CACNG5: variants seen among roughly 807,000 people sequenced by gnomAD.
The protein encoded by CACNG5 is voltage-dependent calcium channel gamma-5 subunit.
CACNG5 carries 18 observed loss-of-function variants against 24.8 expected under a neutral mutation model. That is an observed-to-expected ratio of 0.73 (90% CI 0.50 to 1.08). CACNG5 has a LOEUF of 1.08. Ranked by LOEUF, CACNG5 falls within the 50% of genes least tolerant of loss-of-function variation. CACNG5 has a pLI of 0.00. For missense variants in CACNG5, 349 were observed against 367.9 expected (o/e 0.95, Z 0.42); for synonymous variants, 157 against 149.1 (o/e 1.05, Z -0.39).
In CACNG5 at chr17:66,880,631, A is replaced by G. The variant is rs1441368954; in HGVS notation, c.358A>G (p.Ile120Val). 11 of 1,614,214 alleles carry G rather than the reference A, an allele frequency of 6.8e-6. No individual in the cohort carries two copies. The highest frequency in any genetic ancestry group is 6.7e-5 in the Admixed American group (4 of 60,028). The change falls in exon 4 of 6, where the codon ATC becomes GTC. Residue 120 changes from isoleucine to valine, a missense_variant. Transcript: ENST00000533854. The part of the protein sequence containing the change: ...FMFIGFILNN[I>V]GHIRPHRTIL... ...GTTCATTGGGTTTATCCTGAACAAC[A>G]TCGGACACATCCGTCCCCACCGGAC...
At chr17:66,846,267 A>G (rs1189864190) in intron 1 of CACNG5, among the ~76,000 whole-genome samples, 2 of 152,204 alleles carry the variant, frequency 1.3e-5, no homozygotes, top group Admixed American at 1.3e-4. Flanking sequence ...AAAATCTACC[A>G]TGTTAACCAT....
chr17:66,866,243 G>A (rs1475118438), intron 1 of CACNG5, among the ~76,000 whole-genome samples: 2 of 152,006 alleles, frequency 1.3e-5, no homozygotes, highest in African/African-American at 2.4e-5. Context: ...AATAAAACTA[G>A]GCCCCACTAT....
In CACNG5 at chr17:66,862,892, C is replaced by CTCTCTGTGTGTGTGTGTG. The variant is rs567913804; in HGVS notation, c.-103-14337_-103-14336insCTCTGTGTGTGTGTGTGT. On this transcript the variant is annotated intron_variant, in intron 1 of 5. Coordinates refer to ENST00000533854, the MANE Select transcript of CACNG5 (RefSeq NM_145811.3). Reference sequence around the variant, plus strand: ...ACAACCTTGTCTGCCAGCATATTCTCTGTGTGTGTGTGTGTGTGTGTGTGT... The same window carrying CTCTCTGTGTGTGTGTGTG: ...ACAACCTTGTCTGCCAGCATATTCTCTCTCTGTGTGTGTGTGTGTGTGTGTGTGTGTGTGTGTGTGTGT... 2.2e-3 allele frequency among the ~76,000 whole-genome samples: 307 copies of CTCTCTGTGTGTGTGTGTG among 142,254 alleles called. 6 individuals carry two copies. Among genetic ancestry groups the CTCTCTGTGTGTGTGTGTG allele is most frequent in the African/African-American group, 6.8e-3 (256 of 37,678 alleles). The allele number at this position is 142,254 out of a possible 152,430, so 93.3% of individuals were successfully genotyped here. A position where few individuals can be genotyped will look rare whatever the true frequency, so the allele number is the denominator to read the frequency against.
chr17:66,869,075 T>G (rs1056399327), intron 1 of CACNG5, among the ~76,000 whole-genome samples: 1 of 152,110 alleles, frequency 6.6e-6, no homozygotes, highest in African/African-American at 2.4e-5. Context: ...TTGTGCTTCT[T>G]TTTTTCTTTC....
At chr17:66,851,575 A>G (rs1487690742) in intron 1 of CACNG5, among the ~76,000 whole-genome samples, 1 of 152,272 alleles carries the variant, frequency 6.6e-6, no homozygotes, top group Non-Finnish European at 1.5e-5. Context: ...AGTAGAAACC[A>G]TATTAAAATA....
chr17:66,861,170 AAAG>A (rs1976852279), intron 1 of CACNG5, among the ~76,000 whole-genome samples: 1 of 152,242 alleles, frequency 6.6e-6, no homozygotes. Flanking sequence ...ATAACAGCAC[AAAG>A]GAGTTGGGAG....
At position 66,893,598 on chromosome 17, in the gene CACNG5, G is replaced by A. The variant is rs73994687; in HGVS notation, c.*8358G>A. On this transcript the variant is annotated 3_prime_UTR_variant, in exon 6 of 6. Transcript: ENST00000533854. ...ACGTGACCCCAAGGAAAGTGCTGGA[G>A]GAATTGGGCTCAGATCCTAGAGATG... Among the ~76,000 whole-genome samples, 1,711 of 152,304 alleles carry A rather than the reference G, an allele frequency of 0.011. 36 individuals are homozygous for A. The highest frequency in any genetic ancestry group is 0.039 in the African/African-American group (1,625 of 41,564).
intron 1 of CACNG5, among the ~76,000 whole-genome samples, chr17:66,843,448 C>A (rs1384863008): frequency 6.6e-6 from 1 of 152,158 alleles, no homozygotes; most frequent in Non-Finnish European, 1.5e-5. Context: ...CTGTTTCTGG[C>A]AGAATGTTTG....
intron 1 of CACNG5, among the ~76,000 whole-genome samples, chr17:66,869,381 G>A (rs1409190444): frequency 7.9e-5 from 12 of 152,158 alleles, no homozygotes; most frequent in Non-Finnish European, 1.3e-4. Flanking sequence ...AACTCGCCTG[G>A]CCAAGTTGTG....
chr17:66,873,406 G>T (rs1337145623), intron 1 of CACNG5, among the ~76,000 whole-genome samples: 2 of 152,064 alleles, frequency 1.3e-5, no homozygotes, highest in Non-Finnish European at 2.9e-5. Flanking sequence ...GTAGAGTTTG[G>T]CAGGCAAGGT....
chr17:66,838,972 T>C (rs1976524080), intron 1 of CACNG5, among the ~76,000 whole-genome samples: 2 of 139,388 alleles, frequency 1.4e-5, no homozygotes, highest in Admixed American at 7.1e-5. Flanking sequence ...TTTTTTTTTT[T>C]TTTTTTTGAG....
chr17:66,844,329 G>C (rs1976607815), intron 1 of CACNG5, among the ~76,000 whole-genome samples: 1 of 152,194 alleles, frequency 6.6e-6, no homozygotes, highest in Non-Finnish European at 1.5e-5. Context: ...TGGACAAAGG[G>C]AATGTGGGAT....
chr17:66,850,599 TACAC>T lies in CACNG5; in HGVS notation c.-104+15369_-104+15372del, dbSNP rs56797058. 3.1e-3 allele frequency among the ~76,000 whole-genome samples: 445 copies of T among 142,408 alleles called. 6 individuals are homozygous for T. Among genetic ancestry groups the T allele is most frequent in the Non-Finnish European group, 1.3e-3 (88 of 65,462 alleles). The allele number at this position is 142,408 out of a possible 152,430, so 93.4% of individuals were successfully genotyped here. On this transcript the variant is annotated intron_variant, in intron 1 of 5. Coordinates refer to ENST00000533854, the MANE Select transcript of CACNG5 (RefSeq NM_145811.3). ...ATATATATATACATACACAAATACA[TACAC>T]ACACACACACACACACACAATGCAG...
chr17:66,840,541 C>G (rs1297715730), intron 1 of CACNG5, among the ~76,000 whole-genome samples: 1 of 152,180 alleles, frequency 6.6e-6, no homozygotes, highest in African/African-American at 2.4e-5. Context: ...ACCCCTAAGA[C>G]TTAAATCCAG....
At chr17:66,872,287 T>A (rs539132664) in intron 1 of CACNG5, among the ~76,000 whole-genome samples, 1 of 152,332 alleles carries the variant, frequency 6.6e-6, no homozygotes, top group African/African-American at 2.4e-5. Flanking sequence ...TTATAAAAAA[T>A]GGCTCCTCTC....
In CACNG5 at chr17:66,885,665, T is replaced by C. The variant is rs1977249155; in HGVS notation, c.*425T>C. Among the ~76,000 whole-genome samples the C allele has an allele frequency of 6.6e-6, 1 of 152,238 alleles. No individual in the cohort carries two copies. Among genetic ancestry groups the C allele is most frequent in the Non-Finnish European group, 1.5e-5 (1 of 68,050 alleles). On this transcript the variant is annotated 3_prime_UTR_variant, in exon 6 of 6. Transcript: ENST00000533854. ...CAGCTGGACTCGTGCACTTGCCAAC[T>C]GGCCTGGCCATTCACATTCAAGATC...
In CACNG5 at chr17:66,894,100, C is replaced by T. The variant is rs1977380460; in HGVS notation, c.*8860C>T. Among the ~76,000 whole-genome samples, 1 of 152,164 alleles carries T rather than the reference C, an allele frequency of 6.6e-6. No individual in the cohort carries two copies. Among genetic ancestry groups the T allele is most frequent in the Non-Finnish European group, 1.5e-5 (1 of 68,036 alleles). ...TGTGTCCTCGTAAACACCATCCCGC[C>T]ACCCCTCTCAGGCCCTGCCAAGGAC... On this transcript the variant is annotated 3_prime_UTR_variant, in exon 6 of 6. Coordinates refer to ENST00000533854, the MANE Select transcript of CACNG5 (RefSeq NM_145811.3).
chr17:66,851,232 A>AG (rs1178418025), intron 1 of CACNG5, among the ~76,000 whole-genome samples: 1 of 152,178 alleles, frequency 6.6e-6, no homozygotes, highest in Non-Finnish European at 1.5e-5. Context: ...AACGCCCCCC[A>AG]GGGGGAGAAA....
Position 66,880,648 on chromosome 17 carries a change from C to G in CACNG5, c.375C>G (p.Pro125=). The G allele has an allele frequency of 6.2e-7, 1 of 1,614,146 alleles. No homozygotes were observed. Among genetic ancestry groups the G allele is most frequent in the South Asian group, 1.1e-5 (1 of 91,078 alleles). The part of the protein sequence containing the change: ...FILNNIGHIR[P]HRTILAFVSG... ...TGAACAACATCGGACACATCCGTCC[C>G]CACCGGACGATACTGGCCTTTGTCT... The change falls in exon 4 of 6, where the codon CCC becomes CCG. Residue 125 remains proline (P), a synonymous_variant. Transcript: ENST00000533854.
Sources: gnomAD v4.1 joint callset for allele counts (sites outside exome capture counted in the v4.1 genomes callset) on GRCh38, gnomAD v4.1.1 for gene constraint, MANE v1.5 for transcripts, NCBI Gene and HGNC (gene_info 2026-07-23, HGNC 2026-07-21) for gene names.